Variants in FOXO3 observed in about 807,000 individuals in gnomAD.
FOXO3 encodes the protein forkhead box O3.
FOXO3 carries 4 observed loss-of-function variants against 41.9 expected under a neutral mutation model. The observed-to-expected ratio is 0.10, with a 90% CI of 0.05 to 0.22. The LOEUF is 0.22. Among genes scored for constraint, FOXO3 ranks in the 10% least tolerant of loss-of-function variants. The probability of loss-of-function intolerance (pLI) is 1.00; values close to 1 mark genes in which losing one functional copy is unlikely to be tolerated. For missense variants in FOXO3, 534 were observed against 906.8 expected (o/e 0.59, Z 5.28); for synonymous variants, 318 against 389.3 (o/e 0.82, Z 2.16).
chr6:108,615,815 G>T (rs1315512214), intron 1 of FOXO3, among the ~76,000 whole-genome samples: 2 of 151,960 alleles, frequency 1.3e-5, no homozygotes, highest in African/African-American at 4.8e-5. Flanking sequence ...TGCTGTTGTT[G>T]TGTCTTATAA....
intron 1 of FOXO3, 91 bp from the exon 2 acceptor site, chr6:108,663,364 A>G (rs1778928137): frequency 6.7e-7 from 1 of 1,500,604 alleles, no homozygotes; most frequent in African/African-American, 1.4e-5. Flanking sequence ...TAAAATAAAA[A>G]ATGAATGAGG....
At chr6:108,628,701 G>T (rs886117748) in intron 1 of FOXO3, among the ~76,000 whole-genome samples, 4 of 152,146 alleles carry the variant, frequency 2.6e-5, no homozygotes, top group Admixed American at 2.0e-4. Context: ...AAGTTCAGCA[G>T]TGTTGAAAGA....
intron 1 of FOXO3, among the ~76,000 whole-genome samples, chr6:108,609,975 TGGG>T (rs1330710339): frequency 6.6e-6 from 1 of 152,126 alleles, no homozygotes; most frequent in Non-Finnish European, 1.5e-5. Context: ...AGAAAACAGT[TGGG>T]GGAAACCTGT....
chr6:108,664,453 C>A lies in FOXO3; in HGVS notation c.1620C>A (p.Thr540=), dbSNP rs1778987778. 6.2e-7 allele frequency: 1 copy of A among 1,611,910 alleles called. No individual in the cohort carries two copies. The highest frequency in any genetic ancestry group is 1.1e-5 in the South Asian group (1 of 90,928). The stretch of plus-strand genomic sequence containing the variant: ...ACTTGCTCCACCACCAGCACCAAAC[C>A]CAGGGCGCTCTTGGTGGCAGCCGTG... The part of the protein sequence containing the change: ...NQNLLHHQHQ[T]QGALGGSRAL... Residue 540 remains threonine, a synonymous_variant, in exon 2 of 3, where the codon ACC becomes ACA. Transcript: ENST00000406360.
chr6:108,626,787 A>G (rs573195784), intron 1 of FOXO3, among the ~76,000 whole-genome samples: 14 of 152,214 alleles, frequency 9.2e-5, no homozygotes, highest in Non-Finnish European at 1.5e-4. Context: ...AAACTTGGAT[A>G]TAACTTACCA....
At chr6:108,620,323 T>C (rs1021125606) in intron 1 of FOXO3, among the ~76,000 whole-genome samples, 22 of 152,340 alleles carry the variant, frequency 1.4e-4, no homozygotes, top group African/African-American at 5.3e-4. Flanking sequence ...TTTAATATGA[T>C]ACAATTTTTG....
At chr6:108,598,662 A>G (rs908617514) in intron 1 of FOXO3, among the ~76,000 whole-genome samples, 4 of 152,174 alleles carry the variant, frequency 2.6e-5, no homozygotes, top group Non-Finnish European at 5.9e-5. Flanking sequence ...ACATTTTATG[A>G]TGATTGACTT....
chr6:108,575,037 G>A (rs1021881272), intron 1 of FOXO3, among the ~76,000 whole-genome samples: 1 of 152,156 alleles, frequency 6.6e-6, no homozygotes, highest in African/African-American at 2.4e-5. Flanking sequence ...TGCCACTGTG[G>A]ACTTTTAAAG....
chr6:108,561,125 G>C lies in FOXO3; in HGVS notation c.-84G>C. The C allele has an allele frequency of 6.9e-7, 1 of 1,455,818 alleles. No individual in the cohort carries two copies. The highest frequency in any genetic ancestry group is 9.0e-7 in the Non-Finnish European group (1 of 1,112,704). 90.2% of individuals were successfully genotyped at this position (1,455,818 alleles called of 1,614,324 possible). A position where few individuals can be genotyped will look rare whatever the true frequency, so the allele number is the denominator to read the frequency against. ...GCCCGGGAGCCGGAGCCTTCGCGGC[G>C]TCCACGTCCCTCCCCCGCTGCACCC... On this transcript the variant is annotated 5_prime_UTR_variant, in exon 1 of 3. Coordinates refer to ENST00000406360, the MANE Select transcript of FOXO3 (RefSeq NM_001455.4).
At chr6:108,591,400 C>G (rs146214839) in intron 1 of FOXO3, among the ~76,000 whole-genome samples, 13 of 152,256 alleles carry the variant, frequency 8.5e-5, no homozygotes, top group African/African-American at 2.9e-4. Flanking sequence ...TTTTCTTTTC[C>G]AGACAGAACT....
intron 1 of FOXO3, among the ~76,000 whole-genome samples, chr6:108,597,332 CAGGCTGAGAATGGGTAAT>C (rs1287101735): frequency 6.6e-6 from 1 of 152,178 alleles, no homozygotes; most frequent in Non-Finnish European, 1.5e-5. Flanking sequence ...AGAAGCACAC[CAGGCTGAGAATGGGTAAT>C]AGGCTTAAGC....
At position 108,561,520 on chromosome 6, in the gene FOXO3, A is replaced by T; in HGVS notation, c.312A>T (p.Gly104=). The part of the protein sequence containing the change: ...LEDSARVLAP[G]GQDPGSGPAT... ...ACTCGGCCCGGGTGCTGGCACCCGG[A>T]GGGCAAGACCCCGGGTCTGGGCCAG... The change falls in exon 1 of 3, where the codon GGA becomes GGT. Residue 104 remains glycine (G), a synonymous_variant. Coordinates refer to ENST00000406360, the MANE Select transcript of FOXO3 (RefSeq NM_001455.4). 1.4e-6 allele frequency: 2 copies of T among 1,440,542 alleles called. No homozygotes were observed. Among genetic ancestry groups the T allele is most frequent in the Non-Finnish European group, 1.8e-6 (2 of 1,104,492 alleles). 89.2% of individuals were successfully genotyped at this position (1,440,542 alleles called of 1,614,324 possible).
chr6:108,620,884 C>CT (rs1481558866), intron 1 of FOXO3, among the ~76,000 whole-genome samples: 1 of 152,148 alleles, frequency 6.6e-6, no homozygotes, highest in African/African-American at 2.4e-5. Context: ...ATTCAATACT[C>CT]TCTTTGCCTG....
chr6:108,645,399 C>T (rs1006005884), intron 1 of FOXO3, among the ~76,000 whole-genome samples: 2 of 151,830 alleles, frequency 1.3e-5, no homozygotes, highest in African/African-American at 4.8e-5. Flanking sequence ...CATATGTAAG[C>T]CTCTCTTCGA....
intron 1 of FOXO3, among the ~76,000 whole-genome samples, chr6:108,624,641 T>C (rs555092370): frequency 5.3e-5 from 8 of 152,196 alleles, no homozygotes; most frequent in Admixed American, 5.2e-4. Context: ...CGTATTGTAC[T>C]TTGGTGAAGC....
chr6:108,639,506 G>A (rs1438258651), intron 1 of FOXO3: 1 of 981,808 alleles, frequency 1.0e-6, no homozygotes, highest in Non-Finnish European at 1.2e-6. Context: ...GCATTCCCTG[G>A]GATGAAAAAC....
intron 1 of FOXO3, among the ~76,000 whole-genome samples, chr6:108,636,442 C>A (rs886067311): frequency 6.6e-6 from 1 of 152,088 alleles, no homozygotes; most frequent in South Asian, 2.1e-4. Context: ...GTTAAACCTT[C>A]GGGAATAGAA....
rs183698172 is a variant in FOXO3 at position 108,589,887 on chromosome 6, C to G, written c.621+28058C>G. 8.2e-4 allele frequency among the ~76,000 whole-genome samples: 125 copies of G among 152,344 alleles called. 2 individuals are homozygous for G. The Middle Eastern group carries it at 0.02, about 25-fold the overall frequency. ...AAGCTAAAGAGTGAATCTGCAATTT[C>G]ATGAATAATCAAAACAAAAGCATGC... On this transcript the variant is annotated intron_variant, in intron 1 of 2. Transcript: ENST00000406360.
At chr6:108,653,454 C>T (rs913066668) in intron 1 of FOXO3, among the ~76,000 whole-genome samples, 1 of 152,204 alleles carries the variant, frequency 6.6e-6, no homozygotes, top group African/African-American at 2.4e-5. Flanking sequence ...GGTTACACCT[C>T]AAGGCCAGGT....
Sources: allele counts gnomAD v4.1 joint callset (sites outside exome capture counted in the v4.1 genomes callset), GRCh38; gene constraint gnomAD v4.1.1; transcripts MANE v1.5; gene names NCBI Gene and HGNC (gene_info 2026-07-23, HGNC 2026-07-21).